Variants in SCARB1 observed in about 807,000 individuals in gnomAD.
SCARB1 encodes the protein CD36 and LIMPII analogous 1.
A neutral mutation model predicts 57.2 loss-of-function variants in SCARB1; 30 were observed. That is an observed-to-expected ratio of 0.52 (90% CI 0.39 to 0.71). The LOEUF is 0.71. Ranked by LOEUF, SCARB1 falls within the 30% of genes least tolerant of loss-of-function variation. The pLI, the probability that SCARB1 is intolerant of heterozygous loss-of-function variation, is 0.00. For missense variants in SCARB1, 543 were observed against 671.2 expected, an observed-to-expected ratio of 0.81 and a Z score of 2.11; for synonymous variants, 249 against 268.3, an observed-to-expected ratio of 0.93 and a Z score of 0.70.
intron 7 of SCARB1, among the ~76,000 whole-genome samples, chr12:124,803,263 C>T (rs905060982): frequency 4.6e-5 from 7 of 152,132 alleles, no homozygotes; most frequent in Non-Finnish European, 7.3e-5. Flanking sequence ...CCACGGGGTG[C>T]GTTGACTTTG....
chr12:124,794,719 C>A (rs200802264), intron 9 of SCARB1, among the ~76,000 whole-genome samples: 1 of 152,056 alleles, frequency 6.6e-6, no homozygotes, highest in Non-Finnish European at 1.5e-5. Flanking sequence ...TCACTTGAGG[C>A]CAGGAGTTTG....
In SCARB1 at chr12:124,809,035, T is replaced by C. The variant is rs571382960; in HGVS notation, c.843-1108A>G. The stretch of plus-strand genomic sequence containing the variant: ...AGTGCCAGCTTAGATAACAGTATTA[T>C]GTCAATGCCAAATTTTCTCATTTTG... On this transcript the variant is annotated intron_variant, in intron 6 of 12. Coordinates refer to ENST00000261693, the MANE Select transcript of SCARB1 (RefSeq NM_005505.5). 2.8e-4 allele frequency among the ~76,000 whole-genome samples: 43 copies of C among 152,360 alleles called. 1 individual carries two copies. The highest frequency in any genetic ancestry group is 9.9e-4 in the African/African-American group (41 of 41,578).
chr12:124,830,199 A>G (rs1027398172), intron 1 of SCARB1, among the ~76,000 whole-genome samples: 1 of 152,168 alleles, frequency 6.6e-6, no homozygotes, highest in African/African-American at 2.4e-5. Flanking sequence ...TGACAATAAC[A>G]AGTGCTGGTG....
intron 7 of SCARB1, among the ~76,000 whole-genome samples, chr12:124,805,763 T>G (rs1594248624): frequency 1.8e-5 from 2 of 109,582 alleles, no homozygotes; most frequent in African/African-American, 3.4e-5. Context: ...CAGAGAGAGG[T>G]CTTGCTATAT....
At chr12:124,819,543 C>T (rs528267680) in intron 1 of SCARB1, among the ~76,000 whole-genome samples, 1 of 152,290 alleles carries the variant, frequency 6.6e-6, no homozygotes, top group African/African-American at 2.4e-5. Flanking sequence ...GAGGTCCCCC[C>T]TAGTCCACCT....
chr12:124,789,037 T>A lies in SCARB1; in HGVS notation c.1203-1580A>T, dbSNP rs1356548983. Among the ~76,000 whole-genome samples, 1 of 152,204 alleles carries A rather than the reference T, an allele frequency of 6.6e-6. No individual in the cohort carries two copies. The highest frequency in any genetic ancestry group is 2.4e-5 in the African/African-American group (1 of 41,446). On this transcript the variant is annotated intron_variant, in intron 9 of 12. Coordinates refer to ENST00000261693, the MANE Select transcript of SCARB1 (RefSeq NM_005505.5). This position sits in a 1 kb window ranked among gnomAD's most constrained non-coding sequence, Gnocchi z 4.4. ...CCATATTCTTCCCCTCAGGAAGATA[T>A]GTTCTTATTACCTGTGAAGTTAAAA...
chr12:124,850,731 T>A (rs950030005), intron 1 of SCARB1, among the ~76,000 whole-genome samples: 1 of 152,234 alleles, frequency 6.6e-6, no homozygotes, highest in African/African-American at 2.4e-5. Flanking sequence ...GGTAAGCTAC[T>A]ACCTCCTCAA....
intron 1 of SCARB1, among the ~76,000 whole-genome samples, chr12:124,842,389 C>T (rs536532414): frequency 3.3e-5 from 5 of 152,348 alleles, no homozygotes; most frequent in South Asian, 2.1e-4. Flanking sequence ...TTCTTCCATC[C>T]GTCCCAGCTA....
Position 124,810,308 on chromosome 12 carries a change from A to G in SCARB1, c.727-19T>C, listed in dbSNP as rs1950475697. 5.1e-6 allele frequency: 8 copies of G among 1,566,466 alleles called. No homozygotes were observed. In the African/African-American group the frequency reaches 9.5e-5, roughly 19 times the overall value. ...AGTCAACCTGGGGGGAAGCATCCAG[A>G]CTAGACCCCTCAGTAGGGCCAAGGC... is the stretch of plus-strand genomic sequence containing the variant. On this transcript the variant is annotated intron_variant, in intron 5 of 12. Coordinates refer to ENST00000261693, the MANE Select transcript of SCARB1 (RefSeq NM_005505.5). This position sits in a 1 kb window ranked among gnomAD's most constrained non-coding sequence, Gnocchi z 4.0.
intron 12 of SCARB1, among the ~76,000 whole-genome samples, chr12:124,781,504 C>A (rs1873460535): frequency 6.6e-6 from 1 of 152,164 alleles, no homozygotes; most frequent in Non-Finnish European, 1.5e-5. Context: ...GGCAAGGACA[C>A]CATCCCTGGC....
chr12:124,848,436 G>A (rs752598516), intron 1 of SCARB1, among the ~76,000 whole-genome samples: 3 of 152,256 alleles, frequency 2.0e-5, no homozygotes, highest in Admixed American at 6.5e-5. Context: ...GGGGCCGTAA[G>A]GGAATCTGAA....
chr12:124,793,551 G>A (rs1566146848), intron 9 of SCARB1, among the ~76,000 whole-genome samples: 1 of 152,162 alleles, frequency 6.6e-6, no homozygotes, highest in Non-Finnish European at 1.5e-5. Context: ...AAATTAGCCG[G>A]GCACGGTGGC....
At chr12:124,835,329 G>A (rs1000582234) in intron 1 of SCARB1, among the ~76,000 whole-genome samples, 1 of 151,986 alleles carries the variant, frequency 6.6e-6, no homozygotes, top group Admixed American at 6.6e-5. Flanking sequence ...TGCAGTCCGA[G>A]CTCACTGTAG....
intron 10 of SCARB1, 36 bp from the exon 11 acceptor site, chr12:124,786,539 C>A: frequency 1.2e-6 from 2 of 1,612,340 alleles, no homozygotes; most frequent in South Asian, 2.2e-5. Flanking sequence ...TGAGCTGGGG[C>A]CGCAGGCTGC....
At position 124,812,004 on chromosome 12, in the gene SCARB1, C is replaced by G. The variant is rs867946310; in HGVS notation, c.631-39G>C. The G allele has an allele frequency of 1.3e-6, 2 of 1,516,236 alleles. No individual in the cohort carries two copies. Among genetic ancestry groups the G allele is most frequent in the East Asian group, 2.3e-5 (1 of 42,682 alleles). 93.9% of individuals were successfully genotyped at this position (1,516,236 alleles called of 1,614,324 possible). A position where few individuals can be genotyped will look rare whatever the true frequency, so the allele number is the denominator to read the frequency against. On this transcript the variant is annotated intron_variant, in intron 4 of 12. Coordinates refer to ENST00000261693, the MANE Select transcript of SCARB1 (RefSeq NM_005505.5). This position sits in a 1 kb window ranked among gnomAD's most constrained non-coding sequence, Gnocchi z 4.3. ...AGGGAACAGCATCGTAAGGCTTAGG[C>G]CTGCCATTGAGCCGGCCTGGTCTGA...
chr12:124,825,317 G>A (rs1360689279), intron 1 of SCARB1, among the ~76,000 whole-genome samples: 1 of 150,208 alleles, frequency 6.7e-6, no homozygotes, highest in Non-Finnish European at 1.5e-5. Flanking sequence ...TGAAAACTCT[G>A]CCCTAGAAAG....
intron 1 of SCARB1, among the ~76,000 whole-genome samples, chr12:124,857,334 G>A (rs1222889056): frequency 2.0e-5 from 3 of 152,214 alleles, no homozygotes; most frequent in East Asian, 1.9e-4. Flanking sequence ...CGGCCACAAC[G>A]AGTGCCCATT....
chr12:124,793,952 A>G (rs1949830773), intron 9 of SCARB1, among the ~76,000 whole-genome samples: 2 of 152,252 alleles, frequency 1.3e-5, no homozygotes, highest in African/African-American at 2.4e-5. Context: ...TATCCAGACA[A>G]TGGAATATTA....
chr12:124,815,417 G>C (rs1435347300), intron 2 of SCARB1, among the ~76,000 whole-genome samples: 1 of 152,208 alleles, frequency 6.6e-6, no homozygotes, highest in Non-Finnish European at 1.5e-5. Flanking sequence ...CAGCTGTGGG[G>C]ATTAAGCAAT....
Sources: gnomAD v4.1 joint callset for allele counts (sites outside exome capture counted in the v4.1 genomes callset) on GRCh38, gnomAD v4.1.1 for gene constraint, Gnocchi (gnomAD v3.1) non-coding constraint, MANE v1.5 for transcripts, NCBI Gene and HGNC (gene_info 2026-07-23, HGNC 2026-07-21) for gene names.